Variants in ACHE observed in about 807,000 individuals in gnomAD.
The protein encoded by ACHE is acetylcholinesterase.
In ACHE, 19 loss-of-function variants were observed where a neutral mutation model predicts 53.9. The observed-to-expected ratio is 0.35, with a 90% CI of 0.25 to 0.52. The LOEUF (loss-of-function observed/expected upper bound fraction) is 0.52. ACHE is among the 20% of genes least tolerant of loss of function. The pLI is 0.95. For missense variants in ACHE, 605 were observed against 849.4 expected (o/e 0.71, Z 3.58); for synonymous variants, 392 against 378.1 (o/e 1.04, Z -0.43).
At position 100,892,884 on chromosome 7, in the gene ACHE, G is replaced by C; in HGVS notation, c.1069-66C>G. 1 of 1,475,566 alleles carries C rather than the reference G, an allele frequency of 6.8e-7. No individual in the cohort carries two copies. Among genetic ancestry groups the C allele is most frequent in the South Asian group, 1.3e-5 (1 of 74,900 alleles). 91.4% of individuals were successfully genotyped at this position (1,475,566 alleles called of 1,614,324 possible). Reference sequence around the variant, plus strand: ...ACAGACAGACAAGTAGACAGAAACAGATGGACAGACAAAGAGCCAGAGAGA... The same window carrying C: ...ACAGACAGACAAGTAGACAGAAACACATGGACAGACAAAGAGCCAGAGAGA... On this transcript the variant is annotated intron_variant, in intron 2 of 4. Transcript: ENST00000241069. This position sits in a 1 kb window ranked among gnomAD's most constrained non-coding sequence, Gnocchi z 5.2.
chr7:100,890,404 G>C, intron 4 of ACHE, 69 bp from the exon 5 acceptor site: 1 of 1,557,698 alleles, frequency 6.4e-7, no homozygotes, highest in South Asian at 1.2e-5. Context: ...TCGGACATTT[G>C]GGCGGGTTGA....
chr7:100,893,044 A>AGGACTTCTG lies in ACHE; in HGVS notation c.1068+112_1068+120dup, dbSNP rs907572481. 1.5e-5 allele frequency: 19 copies of AGGACTTCTG among 1,270,006 alleles called. No homozygotes were observed. The African/African-American group carries it at 1.9e-4, about 13-fold the overall frequency. The allele number at this position is 1,270,006 out of a possible 1,614,324, so 78.7% of individuals were successfully genotyped here. On this transcript the variant is annotated intron_variant, in intron 2 of 4. Coordinates refer to ENST00000241069, the MANE Select transcript of ACHE (RefSeq NM_000665.5). ...CACCCTGGGATCTGAGCCCTCAGGG[A>AGGACTTCTG]GGACTTCTGGGACTTCTGGGAATGG...
chr7:100,895,211 CCT>C (rs1419959135), intron 1 of ACHE, among the ~76,000 whole-genome samples: 2 of 152,192 alleles, frequency 1.3e-5, no homozygotes, highest in Admixed American at 6.5e-5. Context: ...GGAACTCCCC[CCT>C]CTCCCGCCGG....
chr7:100,893,158 T>C lies in ACHE; in HGVS notation c.1068+7A>G. On this transcript the variant is annotated splice_region_variant and intron_variant, in intron 2 of 4. Transcript: ENST00000241069. Reference sequence around the variant, plus strand: ...AGCCAGCTTCACGCCAGCTAGCCACTAGTTACCTGCAGGCCGTGGAAGTCT... The same window carrying C: ...AGCCAGCTTCACGCCAGCTAGCCACCAGTTACCTGCAGGCCGTGGAAGTCT... The C allele has an allele frequency of 6.2e-7, 1 of 1,613,378 alleles. No individual in the cohort carries two copies. Among genetic ancestry groups the C allele is most frequent in the Non-Finnish European group, 8.5e-7 (1 of 1,179,740 alleles).
chr7:100,890,987 G>C, intron 4 of ACHE, 182 bp downstream of exon 4: 1 of 1,461,402 alleles, frequency 6.8e-7, no homozygotes. Flanking sequence ...GAGAGGAAGA[G>C]GAGGAGAAGC....
chr7:100,890,975 G>T, intron 4 of ACHE, 194 bp downstream of exon 4: 1 of 1,464,300 alleles, frequency 6.8e-7, no homozygotes, highest in African/African-American at 1.4e-5. Context: ...CGCCGGAGGT[G>T]GGAGAGGAAG....
chr7:100,891,994 T>G (rs1462819536), intron 3 of ACHE, among the ~76,000 whole-genome samples: 1 of 151,808 alleles, frequency 6.6e-6, no homozygotes, highest in Non-Finnish European at 1.5e-5. Flanking sequence ...TGTTATGTTG[T>G]CCAGTCTGGT....
chr7:100,890,955 T>G (rs773870221), intron 4 of ACHE: 68 of 1,471,138 alleles, frequency 4.6e-5, no homozygotes, highest in Non-Finnish European at 5.9e-5. Flanking sequence ...GAAGAGGCCG[T>G]GTTCACAGCC....
chr7:100,890,923 A>G, intron 4 of ACHE: 1 of 1,474,120 alleles, frequency 6.8e-7, no homozygotes, highest in South Asian at 1.4e-5. Context: ...TCATTAGAGG[A>G]GGGGCCCCTG....
At position 100,892,963 on chromosome 7, in the gene ACHE, G is replaced by A; in HGVS notation, c.1069-145C>T. On this transcript the variant is annotated intron_variant, in intron 2 of 4. Transcript: ENST00000241069. This position sits in a 1 kb window ranked among gnomAD's most constrained non-coding sequence, Gnocchi z 5.2. ...CAGAGAGAGGACGAGATCAGGGGAG[G>A]GATGCAGAGAAAGAGAAAATAGACC... 1 of 1,262,866 alleles carries A rather than the reference G, an allele frequency of 7.9e-7. No individual in the cohort carries two copies. The highest frequency in any genetic ancestry group is 1.1e-6 in the Non-Finnish European group (1 of 935,944). 78.2% of individuals were successfully genotyped at this position (1,262,866 alleles called of 1,614,324 possible). A position where few individuals can be genotyped will look rare whatever the true frequency, so the allele number is the denominator to read the frequency against.
chr7:100,890,133 T>G lies in ACHE; in HGVS notation c.*81A>C. ...ATGGGCAGAGTCTGGGGCTCGTCTG[T>G]GTTATAGCCCAGCCCTGAAATAAAT... On this transcript the variant is annotated 3_prime_UTR_variant, in exon 5 of 5. Transcript: ENST00000241069. The G allele has an allele frequency of 6.5e-7, 1 of 1,545,148 alleles. No individual in the cohort carries two copies.
rs373484696 is a variant in ACHE, at chr7:100,894,226, G to T, written c.7C>A (p.Pro3Thr). The T allele has an allele frequency of 2.6e-5, 38 of 1,445,952 alleles. No individual in the cohort carries two copies. The highest frequency in any genetic ancestry group is 3.8e-4 in the Middle Eastern group (2 of 5,200). The allele number at this position is 1,445,952 out of a possible 1,614,324, so 89.6% of individuals were successfully genotyped here. A position where few individuals can be genotyped will look rare whatever the true frequency, so the allele number is the denominator to read the frequency against. MR[P>T]PQCLLHTPSL... The stretch of plus-strand genomic sequence containing the variant: ...GGCGTGTGCAGCAGACACTGCGGGG[G>T]CCTCATGGCTGCAGGGCAGGCGGCG... Residue 3 changes from proline (P) to threonine (T), a missense_variant, in exon 2 of 5, where the codon CCC (proline) becomes ACC (threonine). This residue lies in a region of ACHE where 89 missense variants were observed against 78.9 expected (regional missense o/e 1.13). Coordinates refer to ENST00000241069, the MANE Select transcript of ACHE (RefSeq NM_000665.5).
rs571839755 is a variant in ACHE at position 100,894,041 on chromosome 7, C to G, written c.192G>C (p.Leu64=). 17 of 1,595,900 alleles carry G rather than the reference C, an allele frequency of 1.1e-5. No homozygotes were observed. In the African/African-American group the frequency reaches 1.5e-4, roughly 14 times the overall value. ...TGGGTGGCTCCGCAAAGGGGATGCCCAGGAAAGCAGAGACAGGGCCCCCGG... is the reference window on the plus strand; with the variant it reads ...TGGGTGGCTCCGCAAAGGGGATGCCGAGGAAAGCAGAGACAGGGCCCCCGG... The part of the protein sequence containing the change: ...KTPGGPVSAF[L]GIPFAEPPMG... The change falls in exon 2 of 5, where the codon CTG becomes CTC. Residue 64 remains leucine, a synonymous_variant. Coordinates refer to ENST00000241069, the MANE Select transcript of ACHE (RefSeq NM_000665.5).
At chr7:100,895,387 T>A (rs1790984169) in intron 1 of ACHE, among the ~76,000 whole-genome samples, 1 of 150,822 alleles carries the variant, frequency 6.6e-6, no homozygotes, top group South Asian at 2.1e-4. Context: ...GTCCTGGGCC[T>A]CGGAGGGGGC....
intron 4 of ACHE, 72 bp from the exon 5 acceptor site, chr7:100,890,407 C>A: frequency 1.9e-6 from 3 of 1,550,918 alleles, no homozygotes; most frequent in Non-Finnish European, 2.6e-6. Flanking sequence ...GACATTTGGG[C>A]GGGTTGAAGG....
At chr7:100,890,991 G>A (rs199826303) in intron 4 of ACHE, 178 bp downstream of exon 4, 2 of 1,460,838 alleles carry the variant, frequency 1.4e-6, no homozygotes, top group East Asian at 2.5e-5. Flanking sequence ...GGAAGAGGAG[G>A]AGAAGCTGGT....
At chr7:100,894,286 TCGGTCGAGAAGC>T (rs1278729733) in intron 1 of ACHE, 34 bp from the exon 2 acceptor site, 2 of 1,373,840 alleles carry the variant, frequency 1.5e-6, no homozygotes, top group Admixed American at 6.4e-5. Flanking sequence ...GGGTGAAGGG[TCGGTCGAGAAGC>T]CAGGAGGGAG....
In ACHE at chr7:100,892,630, G is replaced by C. The variant is rs199872491; in HGVS notation, c.1257C>G (p.Pro419=). The change falls in exon 3 of 5, where the codon CCC becomes CCG. Residue 419 remains proline, a synonymous_variant. Transcript: ENST00000241069. This position sits in a 1 kb window ranked among gnomAD's most constrained non-coding sequence, Gnocchi z 5.2. The part of the protein sequence containing the change: ...VVLHYTDWLH[P]EDPARLREAL... ...CCTCCCTCAGGCGTGCCGGGTCCTCGGGATGCAGCCAGTCTGTGTAATGCA... is the reference window on the plus strand; with the variant it reads ...CCTCCCTCAGGCGTGCCGGGTCCTCCGGATGCAGCCAGTCTGTGTAATGCA... The C allele has an allele frequency of 6.2e-7, 1 of 1,613,202 alleles. No homozygotes were observed. The highest frequency in any genetic ancestry group is 2.2e-5 in the East Asian group (1 of 44,862).
chr7:100,890,314 C>A lies in ACHE; in HGVS notation c.1745G>T (p.Arg582Leu). 6.2e-7 allele frequency: 1 copy of A among 1,605,332 alleles called. No individual in the cohort carries two copies. The highest frequency in any genetic ancestry group is 8.5e-7 in the Non-Finnish European group (1 of 1,175,898). Residue 582 changes from arginine to leucine, a missense_variant, in exon 5 of 5, where the codon CGC (arginine) becomes CTC (leucine). By Grantham distance (102) the Arg-to-Leu change is moderately radical. Around this residue, in one of 4 missense-constraint regions of ACHE, gnomAD observed 28 missense variants for 54.8 expected, o/e 0.51. Transcript: ENST00000241069. ...GCGGTGGAACTCGGCCTTCCACTGG[C>A]GCTCCGCCTCGTCGAGCGTGTCTGC... is the stretch of plus-strand genomic sequence containing the variant. ...SATDTLDEAE[R>L]QWKAEFHRWS...
Sources: allele counts gnomAD v4.1 joint callset (sites outside exome capture counted in the v4.1 genomes callset), GRCh38; gene constraint gnomAD v4.1.1; regional missense constraint gnomAD v4.1.1; non-coding constraint Gnocchi (gnomAD v3.1); transcripts MANE v1.5; gene names NCBI Gene and HGNC (gene_info 2026-07-23, HGNC 2026-07-21).